The following TSHZ2 variants were observed in gnomAD, a reference collection of about 807,000 sequenced individuals.
TSHZ2 encodes the protein teashirt zinc finger homeobox 2, also known as teashirt homolog 2.
Under a neutral mutation model 74.4 loss-of-function variants are expected in TSHZ2, and 21 were observed. That is an observed-to-expected ratio of 0.28 (90% CI 0.20 to 0.41). TSHZ2 has a LOEUF of 0.41. Ranked by LOEUF, TSHZ2 falls within the 10% of genes least tolerant of loss-of-function variation. The pLI is 1.00. For missense variants in TSHZ2, 1,244 were observed against 1,293.5 expected, an observed-to-expected ratio of 0.96 and a Z score of 0.59; for synonymous variants, 540 against 515.3, an observed-to-expected ratio of 1.05 and a Z score of -0.65.
At chr20:53,173,689 C>A (rs1451002404) in intron 1 of TSHZ2, among the ~76,000 whole-genome samples, 1 of 151,834 alleles carries the variant, frequency 6.6e-6, no homozygotes, top group African/African-American at 2.4e-5. Context: ...AAACAGTCAA[C>A]AGTCTGAACA....
intron 2 of TSHZ2, chr20:53,400,416 C>T (rs1050256658): frequency 6.6e-6 from 1 of 152,310 alleles, no homozygotes; most frequent in Non-Finnish European, 1.5e-5. Context: ...CAGCATACGT[C>T]GAAACTTCCT....
At chr20:53,429,491 C>T (rs921852333) in intron 2 of TSHZ2, among the ~76,000 whole-genome samples, 9 of 152,168 alleles carry the variant, frequency 5.9e-5, no homozygotes, top group Non-Finnish European at 8.8e-5. Flanking sequence ...GTTTTAAAAA[C>T]GGGAGTTTCC....
chr20:53,422,292 T>C (rs911185316), intron 2 of TSHZ2, among the ~76,000 whole-genome samples: 1 of 152,144 alleles, frequency 6.6e-6, no homozygotes, highest in Non-Finnish European at 1.5e-5. Flanking sequence ...GGACAGTTCT[T>C]GGAAATGAAC....
At chr20:53,093,003 G>A (rs761136739) in intron 1 of TSHZ2, among the ~76,000 whole-genome samples, 3 of 152,140 alleles carry the variant, frequency 2.0e-5, no homozygotes, top group Non-Finnish European at 4.4e-5. Context: ...ATGGCCCTGG[G>A]ACTGTAGTTT....
chr20:53,256,708 G>A lies in TSHZ2; in HGVS notation c.*8+137G>A. On this transcript the variant is annotated intron_variant, in intron 2 of 2. Transcript: ENST00000371497. This position sits in a 1 kb window ranked among gnomAD's most constrained non-coding sequence, Gnocchi z 4.3. ...TTGCTGGAGTAGGATTTATTTTAATGAAAGACCAGAACATGAAAACTAAGT... is the reference window on the plus strand; with the variant it reads ...TTGCTGGAGTAGGATTTATTTTAATAAAAGACCAGAACATGAAAACTAAGT... 1 of 1,361,610 alleles carries A rather than the reference G, an allele frequency of 7.3e-7. No individual in the cohort carries two copies. The highest frequency in any genetic ancestry group is 9.6e-7 in the Non-Finnish European group (1 of 1,038,208). The allele number at this position is 1,361,610 out of a possible 1,614,324, so 84.3% of individuals were successfully genotyped here.
intron 2 of TSHZ2, chr20:53,401,108 G>T (rs917578356): frequency 6.6e-6 from 1 of 152,186 alleles, no homozygotes; most frequent in South Asian, 2.1e-4. Context: ...TTCCTGCATC[G>T]TTGGTGTGAT....
At chr20:53,141,859 C>T (rs6097255) in intron 1 of TSHZ2, among the ~76,000 whole-genome samples, 14,654 of 152,258 alleles carry the variant, frequency 0.096, 1,907 homozygotes, top group African/African-American at 0.3. Flanking sequence ...CCTCCATCAC[C>T]GGGGAGAAGT....
chr20:53,465,852 A>T, intron 2 of TSHZ2, among the ~76,000 whole-genome samples: 1 of 152,070 alleles, frequency 6.6e-6, no homozygotes, highest in East Asian at 1.9e-4. Flanking sequence ...CTTCTTAGGA[A>T]GAGGGTTTGG....
chr20:53,298,094 C>T (rs1042500661), intron 2 of TSHZ2, among the ~76,000 whole-genome samples: 1 of 152,150 alleles, frequency 6.6e-6, no homozygotes, highest in African/African-American at 2.4e-5. Context: ...GAGGCATGTC[C>T]TTCTTGACCC....
chr20:53,083,629 A>G (rs1985602064), intron 1 of TSHZ2, among the ~76,000 whole-genome samples: 1 of 152,222 alleles, frequency 6.6e-6, no homozygotes, highest in Non-Finnish European at 1.5e-5. Flanking sequence ...TTAGTCTGTC[A>G]TTGTTACCAG....
chr20:53,240,596 C>T (rs1285912248), intron 1 of TSHZ2, among the ~76,000 whole-genome samples: 1 of 152,062 alleles, frequency 6.6e-6, no homozygotes, highest in Non-Finnish European at 1.5e-5. Flanking sequence ...TAATCCTCCT[C>T]CAGGTCAGAA....
chr20:53,314,917 C>T (rs1050207616), intron 2 of TSHZ2, among the ~76,000 whole-genome samples: 5 of 152,154 alleles, frequency 3.3e-5, no homozygotes, highest in Admixed American at 2.0e-4. Context: ...CCACCACACC[C>T]GGCCTAGTTC....
chr20:53,019,627 G>C (rs971277665), intron 1 of TSHZ2, among the ~76,000 whole-genome samples: 1 of 152,120 alleles, frequency 6.6e-6, no homozygotes, highest in East Asian at 1.9e-4. Flanking sequence ...GTGAATCTAC[G>C]TGAATTCCAA....
At chr20:53,272,206 T>A (rs570643425) in intron 2 of TSHZ2, among the ~76,000 whole-genome samples, 1 of 152,148 alleles carries the variant, frequency 6.6e-6, no homozygotes, top group African/African-American at 2.4e-5. Context: ...GAGATAAGGT[T>A]TCACCATGTT....
At chr20:53,128,439 G>A (rs1047838875) in intron 1 of TSHZ2, among the ~76,000 whole-genome samples, 11 of 152,070 alleles carry the variant, frequency 7.2e-5, no homozygotes, top group Non-Finnish European at 1.3e-4. Context: ...GTTGTTTCTT[G>A]GTTTTTGTTT....
intron 1 of TSHZ2, among the ~76,000 whole-genome samples, chr20:53,087,697 GGT>G (rs1985741047): frequency 6.6e-6 from 1 of 152,160 alleles, no homozygotes; most frequent in African/African-American, 2.4e-5. Flanking sequence ...GTATTTTAGT[GGT>G]GTCTTCAGGC....
intron 2 of TSHZ2, among the ~76,000 whole-genome samples, chr20:53,313,054 A>G (rs1978856931): frequency 6.6e-6 from 1 of 152,224 alleles, no homozygotes; most frequent in African/African-American, 2.4e-5. Context: ...GAAAAGAGAC[A>G]CCTGTCCAAA....
intron 1 of TSHZ2, among the ~76,000 whole-genome samples, chr20:53,045,138 A>C (rs1240874622): frequency 6.6e-6 from 1 of 152,220 alleles, no homozygotes; most frequent in African/African-American, 2.4e-5. Context: ...CAGTGGGTCA[A>C]CTGAGGGCTT....
chr20:53,254,836 T>C lies in TSHZ2; in HGVS notation c.1378T>C (p.Leu460=), dbSNP rs1990428266. 1.2e-6 allele frequency: 2 copies of C among 1,613,478 alleles called. No homozygotes were observed. Among genetic ancestry groups the C allele is most frequent in the East Asian group, 2.2e-5 (1 of 44,880 alleles). ...AGATTGTACAGCCTCTACAACTGAGTTAAAGAAAGAGAGTAAAAAAGAAAG... is the reference window on the plus strand; with the variant it reads ...AGATTGTACAGCCTCTACAACTGAGCTAAAGAAAGAGAGTAAAAAAGAAAG... ...ASDCTASTTE[L]KKESKKERPE... is the part of the protein sequence containing the mutation. The change falls in exon 2 of 3, where the codon TTA becomes CTA. Residue 460 remains leucine (L), a synonymous_variant. Transcript: ENST00000371497.
Sources: allele counts gnomAD v4.1 joint callset (sites outside exome capture counted in the v4.1 genomes callset), GRCh38; gene constraint gnomAD v4.1.1; non-coding constraint Gnocchi (gnomAD v3.1); transcripts MANE v1.5; gene names NCBI Gene and HGNC (gene_info 2026-07-23, HGNC 2026-07-21).